GTF2A1: variants seen among roughly 807,000 people sequenced by gnomAD.
GTF2A1 encodes general transcription factor IIA subunit 1, also known as transcription initiation factor IIA subunit 1.
In GTF2A1, 12 loss-of-function variants were observed where a neutral mutation model predicts 54.1. That is an observed-to-expected ratio of 0.22 (90% CI 0.14 to 0.36). GTF2A1 has a LOEUF of 0.36. Among genes scored for constraint, GTF2A1 ranks in the 10% least tolerant of loss-of-function variants. GTF2A1 has a pLI of 1.00. For missense variants in GTF2A1, 335 were observed against 442.2 expected, an observed-to-expected ratio of 0.76 and a Z score of 2.17; for synonymous variants, 145 against 152.0, an observed-to-expected ratio of 0.95 and a Z score of 0.34.
intron 6 of GTF2A1, among the ~76,000 whole-genome samples, chr14:81,194,061 T>C (rs1346492183): frequency 6.6e-6 from 1 of 152,226 alleles, no homozygotes; most frequent in Non-Finnish European, 1.5e-5. Flanking sequence ...AAGTAGTTTC[T>C]GTTTGTGCTT....
At chr14:81,194,899 T>C (rs1484325476) in intron 6 of GTF2A1, among the ~76,000 whole-genome samples, 1 of 152,056 alleles carries the variant, frequency 6.6e-6, no homozygotes, top group Non-Finnish European at 1.5e-5. Context: ...TCCCAGCACT[T>C]TGGGAGGCAA....
Position 81,179,980 on chromosome 14 carries a change from T to C in GTF2A1, c.*243A>G, listed in dbSNP as rs1030173204. 26 of 276,930 alleles carry C rather than the reference T, an allele frequency of 9.4e-5. No individual in the cohort carries two copies. Among genetic ancestry groups the C allele is most frequent in the Middle Eastern group, 9.9e-4 (1 of 1,006 alleles). The allele number at this position is 276,930 out of a possible 1,614,324, so 17.2% of individuals were successfully genotyped here. ...TACCTGTATTTAAAATCAACAATTA[T>C]GGTTTTCCTACACAAAACCCCAACC... On this transcript the variant is annotated 3_prime_UTR_variant, in exon 9 of 9. Coordinates refer to ENST00000553612, the MANE Select transcript of GTF2A1 (RefSeq NM_015859.4).
intron 6 of GTF2A1, among the ~76,000 whole-genome samples, chr14:81,194,492 T>C (rs1050064883): frequency 2.6e-5 from 4 of 152,214 alleles, no homozygotes; most frequent in Non-Finnish European, 5.9e-5. Context: ...GTACATAATT[T>C]TGGAAAGATG....
At chr14:81,207,582 G>A (rs1262778658) in intron 2 of GTF2A1, among the ~76,000 whole-genome samples, 1 of 152,232 alleles carries the variant, frequency 6.6e-6, no homozygotes, top group East Asian at 1.9e-4. Context: ...GGAAGCGACT[G>A]TGGAACTGTG....
chr14:81,194,658 G>GAATAT (rs1892951494), intron 6 of GTF2A1, among the ~76,000 whole-genome samples: 1 of 152,130 alleles, frequency 6.6e-6, no homozygotes, highest in Admixed American at 6.5e-5. Context: ...CACAGCACAA[G>GAATAT]AATATAACAC....
intron 8 of GTF2A1, 145 bp from the exon 9 acceptor site, chr14:81,180,475 GT>G: frequency 2.0e-6 from 1 of 496,070 alleles, no homozygotes; most frequent in Non-Finnish European, 3.7e-6. Context: ...AAATTGGTTT[GT>G]TTTTGTAGAA....
At chr14:81,220,078 C>G (rs1893586264) in intron 1 of GTF2A1, among the ~76,000 whole-genome samples, 1 of 151,900 alleles carries the variant, frequency 6.6e-6, no homozygotes, top group South Asian at 2.1e-4. Flanking sequence ...TCCCCACACA[C>G]AGTTTTTGTT....
intron 2 of GTF2A1, among the ~76,000 whole-genome samples, chr14:81,205,113 T>C (rs1380897135): frequency 6.6e-6 from 1 of 151,896 alleles, no homozygotes; most frequent in African/African-American, 2.4e-5. Context: ...AGTTTCTTTA[T>C]TTTTTTATTT....
At chr14:81,180,469 T>G (rs963285038) in intron 8 of GTF2A1, 139 bp from the exon 9 acceptor site, 30 of 496,656 alleles carry the variant, frequency 6.0e-5, no homozygotes, top group Non-Finnish European at 8.8e-5. Context: ...ATTTGCAAAT[T>G]GGTTTGTTTT....
At chr14:81,195,622 ACT>A (rs1295370140) in intron 6 of GTF2A1, among the ~76,000 whole-genome samples, 2 of 116,908 alleles carry the variant, frequency 1.7e-5, no homozygotes, top group Admixed American at 1.1e-4. Context: ...AAAGAGCAAG[ACT>A]CTGTCTCGAA....
chr14:81,199,861 C>T (rs1893066170), intron 4 of GTF2A1, among the ~76,000 whole-genome samples: 1 of 151,800 alleles, frequency 6.6e-6, no homozygotes, highest in Admixed American at 6.6e-5. Context: ...GAGACTCTGC[C>T]AAAATTTGTT....
At position 81,214,826 on chromosome 14, in the gene GTF2A1, T is replaced by A. The variant is rs967264534; in HGVS notation, c.132+1587A>T. On this transcript the variant is annotated intron_variant, in intron 2 of 8. Transcript: ENST00000553612. Reference sequence around the variant, plus strand: ...TTTTCTGAAAATAGCCATATTTTAGTAAATAAAATTGAGTGAGAATGACAA... The same window carrying A: ...TTTTCTGAAAATAGCCATATTTTAGAAAATAAAATTGAGTGAGAATGACAA... Among the ~76,000 whole-genome samples, 12 of 152,236 alleles carry A rather than the reference T, an allele frequency of 7.9e-5. No homozygotes were observed. In the East Asian group the frequency reaches 2.3e-3, roughly 29 times the overall value.
intron 2 of GTF2A1, 37 bp from the exon 3 acceptor site, chr14:81,204,141 A>G (rs776835423): frequency 1.6e-5 from 22 of 1,349,008 alleles, no homozygotes; most frequent in South Asian, 1.3e-4. Context: ...TAAGTGAAAA[A>G]TAACTCTGGA....
intron 1 of GTF2A1, among the ~76,000 whole-genome samples, chr14:81,217,675 C>A (rs1168336769): frequency 1.3e-5 from 2 of 152,104 alleles, no homozygotes; most frequent in Non-Finnish European, 2.9e-5. Context: ...GCCTGTAGTC[C>A]CAGCTGCTTG....
Position 81,175,623 on chromosome 14 carries a change from A to G in GTF2A1, c.*4600T>C, listed in dbSNP as rs1595200280. The G allele has an allele frequency of 2.6e-5, 4 of 152,222 alleles. No homozygotes were observed. Among genetic ancestry groups the G allele is most frequent in the Admixed American group, 1.3e-4 (2 of 15,274 alleles). 9.4% of individuals were successfully genotyped at this position (152,222 alleles called of 1,614,324 possible). ...TACCTGCTAATTATTATCTTCTAAA[A>G]TAACACAAAATATATTCAATACGCA... On this transcript the variant is annotated 3_prime_UTR_variant, in exon 9 of 9. Coordinates refer to ENST00000553612, the MANE Select transcript of GTF2A1 (RefSeq NM_015859.4).
rs1444875920 is a variant in GTF2A1 at position 81,177,292 on chromosome 14, A to G, written c.*2931T>C. The G allele has an allele frequency of 6.6e-6, 1 of 152,116 alleles. No homozygotes were observed. Among genetic ancestry groups the G allele is most frequent in the African/African-American group, 2.4e-5 (1 of 41,456 alleles). The allele number at this position is 152,116 out of a possible 1,614,324, so 9.4% of individuals were successfully genotyped here. A position where few individuals can be genotyped will look rare whatever the true frequency, so the allele number is the denominator to read the frequency against. Reference sequence around the variant, plus strand: ...TTAACAGAAAGAAATGTGAACATTTAAAAAATAGAAAAGCCCAACATAAAG... The same window carrying G: ...TTAACAGAAAGAAATGTGAACATTTGAAAAATAGAAAAGCCCAACATAAAG... On this transcript the variant is annotated 3_prime_UTR_variant, in exon 9 of 9. Coordinates refer to ENST00000553612, the MANE Select transcript of GTF2A1 (RefSeq NM_015859.4).
intron 8 of GTF2A1, among the ~76,000 whole-genome samples, chr14:81,181,147 T>C (rs1204257468): frequency 6.6e-6 from 1 of 152,224 alleles, no homozygotes; most frequent in Non-Finnish European, 1.5e-5. Context: ...CACTCCCATC[T>C]TTGCCTTCAC....
intron 4 of GTF2A1, among the ~76,000 whole-genome samples, chr14:81,198,853 A>G (rs113112806): frequency 6.6e-6 from 1 of 152,210 alleles, no homozygotes; most frequent in Admixed American, 6.5e-5. Context: ...TAGTTCAACT[A>G]CTGTCTAGTC....
At chr14:81,205,853 T>A (rs1451001889) in intron 2 of GTF2A1, among the ~76,000 whole-genome samples, 1 of 152,196 alleles carries the variant, frequency 6.6e-6, no homozygotes, top group African/African-American at 2.4e-5. Flanking sequence ...AAAGTAGGCA[T>A]CTAGAATAGC....
Sources: allele counts gnomAD v4.1 joint callset (sites outside exome capture counted in the v4.1 genomes callset), GRCh38; gene constraint gnomAD v4.1.1; transcripts MANE v1.5; gene names NCBI Gene and HGNC (gene_info 2026-07-23, HGNC 2026-07-21).